Variants in SNX7 observed in about 807,000 individuals in gnomAD.
The protein encoded by SNX7 is sorting nexin 7, also known as sorting nexin-7.
A neutral mutation model predicts 48.4 loss-of-function variants in SNX7; 35 were observed. That is an observed-to-expected ratio of 0.72 (90% confidence interval 0.55 to 0.96). The LOEUF (loss-of-function observed/expected upper bound fraction) is 0.96. Among genes scored for constraint, SNX7 ranks in the 40% least tolerant of loss-of-function variants. The pLI is 0.00. For synonymous variants in SNX7, 190 were observed against 190.2 expected, an observed-to-expected ratio of 1.00 and a Z score of 0.01; for missense variants, 553 against 548.9, an observed-to-expected ratio of 1.01 and a Z score of -0.07.
At chr1:98,706,665 A>G (rs1030366364) in intron 7 of SNX7, among the ~76,000 whole-genome samples, 2 of 152,152 alleles carry the variant, frequency 1.3e-5, no homozygotes, top group African/African-American at 2.4e-5. Flanking sequence ...AGTAGCTCTT[A>G]AAGTATTTCC....
chr1:98,737,811 A>C (rs1311508366), intron 7 of SNX7, among the ~76,000 whole-genome samples: 1 of 152,206 alleles, frequency 6.6e-6, no homozygotes, highest in Admixed American at 6.5e-5. Context: ...GCTAAAAACC[A>C]TTAAAAAATG....
chr1:98,740,843 A>G (rs1251163841), intron 8 of SNX7, among the ~76,000 whole-genome samples: 2 of 152,176 alleles, frequency 1.3e-5, no homozygotes, highest in Admixed American at 1.3e-4. Flanking sequence ...TCCATCTTAA[A>G]TGTATAAATT....
In SNX7 at chr1:98,760,320, A is replaced by G. The variant is rs987413811; in HGVS notation, c.*189A>G. On this transcript the variant is annotated 3_prime_UTR_variant, in exon 9 of 9. Transcript: ENST00000306121. ...TTTGAAGATATATCTATCTGTATGG[A>G]TATATATCTATATGTATATAGATAT... 9 of 550,946 alleles carry G rather than the reference A, an allele frequency of 1.6e-5. No individual in the cohort carries two copies. The highest frequency in any genetic ancestry group is 1.5e-4 in the African/African-American group (8 of 53,026). 34.1% of individuals were successfully genotyped at this position (550,946 alleles called of 1,614,324 possible).
chr1:98,707,234 G>A (rs1348003107), intron 7 of SNX7, among the ~76,000 whole-genome samples: 3 of 152,052 alleles, frequency 2.0e-5, no homozygotes, highest in African/African-American at 4.8e-5. Context: ...TTAACTAAAC[G>A]GATCTGATTA....
intron 1 of SNX7, among the ~76,000 whole-genome samples, chr1:98,679,892 G>A (rs531453423): frequency 3.9e-5 from 6 of 152,296 alleles, no homozygotes; most frequent in South Asian, 2.1e-4. Flanking sequence ...GGCACAGTGC[G>A]AGCTGTCAGT....
chr1:98,738,209 A>T, intron 7 of SNX7, 28 bp from the exon 8 acceptor site: 4 of 1,605,806 alleles, frequency 2.5e-6, no homozygotes, highest in Non-Finnish European at 3.4e-6. Context: ...TCATAGATCA[A>T]TGTATCTCTC....
At chr1:98,726,461 A>G (rs1019134119) in intron 7 of SNX7, among the ~76,000 whole-genome samples, 2 of 152,212 alleles carry the variant, frequency 1.3e-5, no homozygotes, top group African/African-American at 4.8e-5. Context: ...CATAACAGGT[A>G]CATGTCTTTC....
intron 7 of SNX7, among the ~76,000 whole-genome samples, chr1:98,725,362 G>A (rs374220508): frequency 6.6e-6 from 1 of 152,034 alleles, no homozygotes; most frequent in East Asian, 1.9e-4. Context: ...GACTATATCC[G>A]GATTGGAAGG....
Position 98,760,033 on chromosome 1 carries a change from TG to T in SNX7, c.1279-19del, listed in dbSNP as rs1655035836. The T allele has an allele frequency of 6.8e-7, 1 of 1,481,454 alleles. No homozygotes were observed. The highest frequency in any genetic ancestry group is 9.4e-7 in the Non-Finnish European group (1 of 1,059,444). The allele number at this position is 1,481,454 out of a possible 1,614,324, so 91.8% of individuals were successfully genotyped here. ...AAGTAAACTATTGTTGATTGCCTCA[TG>T]GTGTGTTTCCATTATTCAGTGCCTT... On this transcript the variant is annotated intron_variant, in intron 8 of 8. Coordinates refer to ENST00000306121, the MANE Select transcript of SNX7 (RefSeq NM_015976.5).
chr1:98,724,780 G>A (rs753065929), intron 7 of SNX7, among the ~76,000 whole-genome samples: 4 of 152,114 alleles, frequency 2.6e-5, no homozygotes, highest in Admixed American at 1.3e-4. Context: ...ATTTAAAAAG[G>A]TTTTGACTGG....
intron 2 of SNX7, among the ~76,000 whole-genome samples, chr1:98,687,810 A>AGCAAGG (rs1458354802): frequency 6.6e-6 from 1 of 152,152 alleles, no homozygotes; most frequent in Non-Finnish European, 1.5e-5. Flanking sequence ...CATGGCAGAA[A>AGCAAGG]GCAAGGGGGA....
At chr1:98,743,587 C>T (rs531943748) in intron 8 of SNX7, among the ~76,000 whole-genome samples, 1 of 152,094 alleles carries the variant, frequency 6.6e-6, no homozygotes, top group Middle Eastern at 3.4e-3. Context: ...AAATCCAAGT[C>T]TAGTTATTTA....
rs1491348958 is a variant in SNX7 at position 98,663,252 on chromosome 1, G to GTTTTTTTTTTTTTTTTTTTT, written c.180+1341_180+1342insTTTTTTTTTTTTTTTTTTTT. Among the ~76,000 whole-genome samples the GTTTTTTTTTTTTTTTTTTTT allele has an allele frequency of 1.4e-4, 12 of 83,184 alleles. 5 individuals carry two copies. The highest frequency in any genetic ancestry group is 2.5e-4 in the Admixed American group (2 of 8,004). 54.6% of individuals were successfully genotyped at this position (83,184 alleles called of 152,430 possible). A position where few individuals can be genotyped will look rare whatever the true frequency, so the allele number is the denominator to read the frequency against. ...ATCAGAATCATCAGGGTTTCTTTCT[G>GTTTTTTTTTTTTTTTTTTTT]GTTTTTTTTTTTTTTTTTTTTTTTT... is the stretch of plus-strand genomic sequence containing the variant. On this transcript the variant is annotated intron_variant, in intron 1 of 8. Transcript: ENST00000306121.
At position 98,723,986 on chromosome 1, in the gene SNX7, G is replaced by A. The variant is rs944246902; in HGVS notation, c.1126-14251G>A. ...GCAAAAAAAAATTATAATGTTCTTA[G>A]TGATAGAACATTCTTGTATTTTTCC... On this transcript the variant is annotated intron_variant, in intron 7 of 8. Coordinates refer to ENST00000306121, the MANE Select transcript of SNX7 (RefSeq NM_015976.5). 4.0e-5 allele frequency among the ~76,000 whole-genome samples: 6 copies of A among 151,782 alleles called. No individual in the cohort carries two copies. The East Asian group carries it at 9.7e-4, about 24-fold the overall frequency.
At chr1:98,711,609 G>A (rs1252163129) in intron 7 of SNX7, among the ~76,000 whole-genome samples, 2 of 152,186 alleles carry the variant, frequency 1.3e-5, no homozygotes, top group Non-Finnish European at 2.9e-5. Context: ...TGTTAAAAAT[G>A]CTAATGATCA....
At chr1:98,759,168 G>T (rs1481377337) in intron 8 of SNX7, among the ~76,000 whole-genome samples, 1 of 151,718 alleles carries the variant, frequency 6.6e-6, no homozygotes, top group East Asian at 1.9e-4. Context: ...CAGCTTTGGA[G>T]TGTTTATGTA....
intron 8 of SNX7, among the ~76,000 whole-genome samples, chr1:98,752,679 C>T (rs1256591672): frequency 6.6e-6 from 1 of 152,082 alleles, no homozygotes; most frequent in Non-Finnish European, 1.5e-5. Context: ...TATATTCCTT[C>T]TCTATAGAGT....
chr1:98,694,335 A>C (rs1651322881), intron 4 of SNX7, among the ~76,000 whole-genome samples: 2 of 149,588 alleles, frequency 1.3e-5, no homozygotes, highest in Admixed American at 1.3e-4. Context: ...GTGCCACTGC[A>C]GTCCAGCCTG....
chr1:98,668,342 C>T (rs1649656668), intron 1 of SNX7, among the ~76,000 whole-genome samples: 1 of 152,120 alleles, frequency 6.6e-6, no homozygotes, highest in Non-Finnish European at 1.5e-5. Context: ...CTCTCCATGC[C>T]ACTTCAGAAG....
Sources: gnomAD v4.1 joint callset for allele counts (sites outside exome capture counted in the v4.1 genomes callset) on GRCh38, gnomAD v4.1.1 for gene constraint, MANE v1.5 for transcripts, NCBI Gene and HGNC (gene_info 2026-07-23, HGNC 2026-07-21) for gene names.